The following ASTN2 variants were observed in gnomAD, a reference collection of about 807,000 sequenced individuals.
ASTN2 encodes the protein astrotactin 2.
In ASTN2, 54 loss-of-function variants were observed where a neutral mutation model predicts 139.8. That is an observed-to-expected ratio of 0.39 (90% confidence interval 0.31 to 0.48). The LOEUF is 0.48. Ranked by LOEUF, ASTN2 falls within the 20% of genes least tolerant of loss-of-function variation. The pLI, the probability that ASTN2 is intolerant of heterozygous loss-of-function variation, is 0.95. For missense variants in ASTN2, 1,565 were observed against 1,725.1 expected, an observed-to-expected ratio of 0.91 and a Z score of 1.64; for synonymous variants, 756 against 719.5, an observed-to-expected ratio of 1.05 and a Z score of -0.81.
intron 19 of ASTN2, among the ~76,000 whole-genome samples, chr9:116,603,857 G>A (rs1855044271): frequency 6.6e-6 from 1 of 152,200 alleles, no homozygotes; most frequent in Non-Finnish European, 1.5e-5. Flanking sequence ...GTGACAGGGA[G>A]GGAGAAAGAT....
chr9:117,132,549 TG>T (rs1829851683), intron 4 of ASTN2, among the ~76,000 whole-genome samples: 1 of 152,194 alleles, frequency 6.6e-6, no homozygotes, highest in Non-Finnish European at 1.5e-5. Context: ...AGCCCCCTGA[TG>T]TATTTCAGAT....
At chr9:117,318,542 C>G (rs1049444424) in intron 1 of ASTN2, among the ~76,000 whole-genome samples, 2 of 152,064 alleles carry the variant, frequency 1.3e-5, no homozygotes, top group African/African-American at 4.8e-5. Context: ...ACCAGGGAGG[C>G]CAGGAATTTC....
chr9:116,535,368 G>T (rs1851570383), intron 19 of ASTN2, among the ~76,000 whole-genome samples: 1 of 152,110 alleles, frequency 6.6e-6, no homozygotes, highest in Admixed American at 6.5e-5. Flanking sequence ...TACATTTAAG[G>T]TTAATATTGT....
chr9:116,910,720 C>T (rs1389511277), intron 10 of ASTN2, among the ~76,000 whole-genome samples: 1 of 152,080 alleles, frequency 6.6e-6, no homozygotes, highest in African/African-American at 2.4e-5. Context: ...GGTTTGGATG[C>T]CAGTAGTTAA....
intron 15 of ASTN2, among the ~76,000 whole-genome samples, chr9:116,726,558 C>A (rs573375678): frequency 1.3e-5 from 2 of 152,290 alleles, no homozygotes; most frequent in Non-Finnish European, 2.9e-5. Flanking sequence ...CCAGAGTCAG[C>A]ATGTATTCTG....
At chr9:116,565,406 T>C (rs1359818688) in intron 19 of ASTN2, among the ~76,000 whole-genome samples, 3 of 101,746 alleles carry the variant, frequency 2.9e-5, no homozygotes, top group Non-Finnish European at 4.1e-5. Flanking sequence ...TATATATATA[T>C]ATATATATAT....
At chr9:117,026,355 T>C (rs1300905667) in intron 6 of ASTN2, among the ~76,000 whole-genome samples, 2 of 152,130 alleles carry the variant, frequency 1.3e-5, no homozygotes, top group Non-Finnish European at 2.9e-5. Flanking sequence ...TACTCTGGCA[T>C]TGGTGTTGAA....
At chr9:117,256,515 C>T (rs189497808) in intron 2 of ASTN2, among the ~76,000 whole-genome samples, 2 of 152,210 alleles carry the variant, frequency 1.3e-5, no homozygotes, top group East Asian at 1.9e-4. Flanking sequence ...AAAACAGTTG[C>T]CAAGATCATA....
intron 1 of ASTN2, among the ~76,000 whole-genome samples, chr9:117,315,155 C>T (rs1828104285): frequency 6.6e-6 from 1 of 152,024 alleles, no homozygotes; most frequent in Non-Finnish European, 1.5e-5. Context: ...TAAGTGATTA[C>T]ACCTCCCTAA....
At chr9:117,235,425 C>T (rs1056029337) in intron 2 of ASTN2, among the ~76,000 whole-genome samples, 11 of 152,132 alleles carry the variant, frequency 7.2e-5, no homozygotes, top group Admixed American at 2.0e-4. Context: ...CAATTTGCTC[C>T]GGGTCACGAA....
intron 5 of ASTN2, among the ~76,000 whole-genome samples, chr9:117,060,585 C>CAGGCAGGCAGGA (rs373697206): frequency 0.13 from 16,770 of 132,136 alleles, 1,527 homozygotes; most frequent in Admixed American, 0.22. Flanking sequence ...GGAAAGAAGG[C>CAGGCAGGCAGGA]AGGAAGGAAG....
intron 19 of ASTN2, among the ~76,000 whole-genome samples, chr9:116,530,362 T>C (rs1851292231): frequency 6.6e-6 from 1 of 151,326 alleles, no homozygotes; most frequent in African/African-American, 2.4e-5. Context: ...TCAGGAAATG[T>C]TGGTCAAAGG....
intron 1 of ASTN2, among the ~76,000 whole-genome samples, chr9:117,326,140 AT>A (rs1415401073): frequency 6.6e-6 from 1 of 151,598 alleles, no homozygotes. Flanking sequence ...GAAAATTCTC[AT>A]TTTTTTCTCA....
intron 2 of ASTN2, among the ~76,000 whole-genome samples, chr9:117,234,354 A>G (rs1832982535): frequency 1.3e-5 from 2 of 152,006 alleles, no homozygotes; most frequent in East Asian, 1.9e-4. Flanking sequence ...CTCCCCTCCC[A>G]TTTCTCCTCC....
chr9:117,014,435 A>G (rs1249642951), intron 6 of ASTN2, among the ~76,000 whole-genome samples: 5 of 152,124 alleles, frequency 3.3e-5, no homozygotes, highest in Non-Finnish European at 7.4e-5. Flanking sequence ...GAGGAACATT[A>G]TCGTGGGGGT....
intron 19 of ASTN2, chr9:116,546,507 T>C (rs1018107343): frequency 2.6e-5 from 4 of 152,128 alleles, no homozygotes; most frequent in Non-Finnish European, 5.9e-5. Flanking sequence ...TTGAGTAATG[T>C]ATTGAGTTAA....
At chr9:117,024,613 A>G (rs1021525078) in intron 6 of ASTN2, among the ~76,000 whole-genome samples, 1 of 152,118 alleles carries the variant, frequency 6.6e-6, no homozygotes, top group African/African-American at 2.4e-5. Flanking sequence ...GTAGTGATAA[A>G]GATAAAACAG....
At chr9:117,302,486 A>G (rs964830118) in intron 1 of ASTN2, among the ~76,000 whole-genome samples, 1 of 152,158 alleles carries the variant, frequency 6.6e-6, no homozygotes, top group Non-Finnish European at 1.5e-5. Context: ...ATTTAGCAGT[A>G]TGCGGGACAA....
intron 1 of ASTN2, among the ~76,000 whole-genome samples, chr9:117,381,137 A>G (rs1216279220): frequency 6.6e-6 from 1 of 152,224 alleles, no homozygotes; most frequent in Non-Finnish European, 1.5e-5. Flanking sequence ...AAGGTCACAA[A>G]AGACCACATA....
Sources: allele counts gnomAD v4.1 joint callset (sites outside exome capture counted in the v4.1 genomes callset), GRCh38; gene constraint gnomAD v4.1.1; transcripts MANE v1.5; gene names NCBI Gene and HGNC (gene_info 2026-07-23, HGNC 2026-07-21).